Variants in TUB observed in about 807,000 individuals in gnomAD.
TUB encodes tubby protein homolog.
Under a neutral mutation model 59.7 loss-of-function variants are expected in TUB, and 33 were observed. The observed-to-expected ratio is 0.55, with a 90% confidence interval of 0.42 to 0.74. The LOEUF is 0.74. Ranked by LOEUF, TUB falls within the 30% of genes least tolerant of loss-of-function variation. The probability of loss-of-function intolerance (pLI) is 0.00; values close to 1 mark genes in which losing one functional copy is unlikely to be tolerated. For missense variants in TUB, 659 were observed against 672.0 expected (o/e 0.98, Z 0.21); for synonymous variants, 293 against 256.4 (o/e 1.14, Z -1.36).
chr11:8,086,465 C>T (rs1463350539), intron 1 of TUB, among the ~76,000 whole-genome samples: 2 of 152,084 alleles, frequency 1.3e-5, no homozygotes, highest in Admixed American at 1.3e-4. Context: ...CGCAGTTGCC[C>T]TTGGTCTCCA....
At chr11:8,080,098 G>T (rs2133810170), upstream of TUB, among the ~76,000 whole-genome samples, 1 of 152,318 alleles carries the variant, frequency 6.6e-6, no homozygotes, top group Admixed American at 6.5e-5. Flanking sequence ...AGCAGGATGA[G>T]CCCCCTCCCT....
chr11:8,090,642 T>G (rs7102444), intron 3 of TUB, among the ~76,000 whole-genome samples: 6,069 of 152,248 alleles, frequency 0.04, 399 homozygotes, highest in African/African-American at 0.14. Context: ...ACAAACACCT[T>G]TTTCCTTCCC....
In TUB at chr11:8,104,158, A is replaced by C. The variant is rs755885399; in HGVS notation, c.*2539A>C. ...CCACCTGGGTTCAGCCTCTCCCACA[A>C]TAAGAGTTCTTGCCCTTCATACCCT... On this transcript the variant is annotated 3_prime_UTR_variant, in exon 12 of 12. Transcript: ENST00000299506. The C allele has an allele frequency of 6.6e-6, 1 of 152,310 alleles. No individual in the cohort carries two copies. Among genetic ancestry groups the C allele is most frequent in the Admixed American group, 6.5e-5 (1 of 15,284 alleles). The allele number at this position is 152,310 out of a possible 1,614,324, so 9.4% of individuals were successfully genotyped here.
chr11:8,096,396 G>A (rs751811529), intron 5 of TUB, among the ~76,000 whole-genome samples: 2 of 152,206 alleles, frequency 1.3e-5, no homozygotes, highest in Non-Finnish European at 2.9e-5. Flanking sequence ...CTAGGTAGTG[G>A]GGTAATGTAG....
At chr11:8,087,028 A>T (rs1409106653) in intron 1 of TUB, among the ~76,000 whole-genome samples, 1 of 152,218 alleles carries the variant, frequency 6.6e-6, no homozygotes, top group Non-Finnish European at 1.5e-5. Flanking sequence ...GAATGTTTTC[A>T]TGGAAAGCAG....
intron 8 of TUB, among the ~76,000 whole-genome samples, chr11:8,098,282 G>A (rs536266066): frequency 2.0e-5 from 3 of 152,292 alleles, no homozygotes; most frequent in African/African-American, 7.2e-5. Flanking sequence ...GGTAGGGTTT[G>A]CTGAGGAACT....
chr11:8,086,783 A>G (rs1943676506), intron 1 of TUB, among the ~76,000 whole-genome samples: 1 of 152,108 alleles, frequency 6.6e-6, no homozygotes, highest in Non-Finnish European at 1.5e-5. Flanking sequence ...GTGTGCTTGC[A>G]CATGCCCGCT....
chr11:8,097,710 C>T lies in TUB; in HGVS notation c.886-4C>T, dbSNP rs1414572348. On this transcript the variant is annotated splice_region_variant and splice_polypyrimidine_tract_variant and intron_variant, in intron 7 of 11. Transcript: ENST00000299506. ...TGGAATATGACCTCATTCCACTCCC[C>T]AAGGTGTTCCTCCTGGCGGGAAGGA... The T allele has an allele frequency of 2.5e-6, 4 of 1,611,394 alleles. No homozygotes were observed. The highest frequency in any genetic ancestry group is 2.2e-5 in the South Asian group (2 of 90,792).
At chr11:8,032,796 G>A (rs1166574823) in intron 1 of TUB, among the ~76,000 whole-genome samples, 1 of 152,128 alleles carries the variant, frequency 6.6e-6, no homozygotes, top group Non-Finnish European at 1.5e-5. Flanking sequence ...GAAATGACTG[G>A]GGCAACAATT....
intron 4 of TUB, 72 bp from the exon 5 acceptor site, chr11:8,095,426 C>T: frequency 6.6e-7 from 1 of 1,505,010 alleles, no homozygotes; most frequent in Non-Finnish European, 9.0e-7. Context: ...TCATCCCCTT[C>T]ATGGACGTCT....
chr11:8,021,113 T>G (rs11041711), intron 1 of TUB, among the ~76,000 whole-genome samples: 20,902 of 152,218 alleles, frequency 0.14, 1,667 homozygotes, highest in African/African-American at 0.19. Context: ...TAGCTAACTT[T>G]GGACAAATTA....
chr11:8,029,069 G>A (rs1191526910), intron 1 of TUB, among the ~76,000 whole-genome samples: 27 of 152,078 alleles, frequency 1.8e-4, no homozygotes, highest in Non-Finnish European at 1.5e-5. Flanking sequence ...TAAATGTATG[G>A]GTTTATTTCT....
chr11:8,048,074 C>G (rs1589931690), intron 2 of TUB, among the ~76,000 whole-genome samples: 1 of 152,124 alleles, frequency 6.6e-6, no homozygotes, highest in East Asian at 1.9e-4. Flanking sequence ...AGTGAGCACT[C>G]AGTAAATAAT....
chr11:8,034,785 C>G (rs148960798), upstream of TUB, among the ~76,000 whole-genome samples: 155 of 152,336 alleles, frequency 1.0e-3, no homozygotes, highest in Middle Eastern at 0.01. Flanking sequence ...ATCTCCTCCC[C>G]TTAGCAGACA....
rs775236651 is a variant in TUB, at chr11:8,096,710, C to G, written c.591C>G (p.Asp197Glu). 9.3e-6 allele frequency: 15 copies of G among 1,612,638 alleles called. No individual in the cohort carries two copies. In the South Asian group the frequency reaches 1.3e-4, roughly 14 times the overall value. Residue 197 changes from aspartate (D) to glutamate (E), a missense_variant, in exon 6 of 12, where the codon GAC becomes GAG. Physicochemically the swap from Asp to Glu is conservative, Grantham distance 45 (BLOSUM62 2). Transcript: ENST00000299506. ...GCATCTCCAGCAGCATGAGCTTTGACGAGGATGAGGAGGATGAGGAGGAGA... is the reference window on the plus strand; with the variant it reads ...GCATCTCCAGCAGCATGAGCTTTGAGGAGGATGAGGAGGATGAGGAGGAGA... ...RKGISSSMSF[D>E]EDEEDEEENS...
Position 8,101,602 on chromosome 11 carries a change from A to C in TUB, c.1504A>C (p.Lys502Gln). Residue 502 changes from lysine to glutamine, a missense_variant, in exon 12 of 12, where the codon AAG becomes CAG. Coordinates refer to ENST00000299506, the MANE Select transcript of TUB (RefSeq NM_177972.3). The stretch of plus-strand genomic sequence containing the variant: ...CATTGCCCTGTCCAGCTTCGACAGC[A>C]AGCTGGCGTGCGAGTAGAGGCCTCT... The part of the protein sequence containing the change: ...FAIALSSFDS[K>Q]LACE 6.2e-7 allele frequency: 1 copy of C among 1,614,222 alleles called. No individual in the cohort carries two copies. The highest frequency in any genetic ancestry group is 1.3e-5 in the African/African-American group (1 of 75,066).
At chr11:8,052,978 G>A (rs116012349) in intron 2 of TUB, among the ~76,000 whole-genome samples, 361 of 152,246 alleles carry the variant, frequency 2.4e-3, no homozygotes, top group African/African-American at 7.8e-3. Flanking sequence ...TAATAATTAT[G>A]TGAAAAAATA....
At chr11:8,096,042 G>A (rs1486513791) in intron 5 of TUB, among the ~76,000 whole-genome samples, 2 of 152,236 alleles carry the variant, frequency 1.3e-5, no homozygotes, top group African/African-American at 4.8e-5. Flanking sequence ...CCCTGGTGCA[G>A]GGTGGCAGAG....
chr11:8,048,064 A>C (rs1042084309), intron 2 of TUB, among the ~76,000 whole-genome samples: 3 of 152,204 alleles, frequency 2.0e-5, no homozygotes, highest in African/African-American at 7.2e-5. Flanking sequence ...GCATGTACAC[A>C]GTGAGCACTC....
Sources: allele counts gnomAD v4.1 joint callset (sites outside exome capture counted in the v4.1 genomes callset), GRCh38; gene constraint gnomAD v4.1.1; transcripts MANE v1.5; gene names NCBI Gene and HGNC (gene_info 2026-07-23, HGNC 2026-07-21).